Variants in GALNT13 observed in about 807,000 individuals in gnomAD.
The protein encoded by GALNT13 is UDP-GalNAc:polypeptide N-acetylgalactosaminyltransferase 13.
In GALNT13, 28 loss-of-function variants were observed where a neutral mutation model predicts 64.2. The ratio of observed to expected loss-of-function variants is 0.44; its 90% CI spans 0.32 to 0.60. The LOEUF is 0.60. Among genes scored for constraint, GALNT13 ranks in the 20% least tolerant of loss-of-function variants. GALNT13 has a pLI of 0.05. For synonymous variants in GALNT13, 214 were observed against 224.6 expected (o/e 0.95, Z 0.42); for missense variants, 577 against 669.8 (o/e 0.86, Z 1.53).
intron 2 of GALNT13, among the ~76,000 whole-genome samples, chr2:153,923,190 G>A (rs1271632896): frequency 6.6e-6 from 1 of 152,158 alleles, no homozygotes; most frequent in African/African-American, 2.4e-5. Flanking sequence ...ATGAGCCACT[G>A]TGCCTGGCCT....
intron 3 of GALNT13, among the ~76,000 whole-genome samples, chr2:154,043,455 T>TACATATATATATATATATATACATACAC (rs1553470481): frequency 2.9e-5 from 3 of 105,004 alleles, no homozygotes; most frequent in Middle Eastern, 5.1e-3. Flanking sequence ...TATATATATA[T>TACATATATATATATATATATACATACAC]ACACACATGT....
At chr2:153,492,024 A>G in the GALNT13 span, among the ~76,000 whole-genome samples, 1 of 152,192 alleles carries the variant, frequency 6.6e-6, no homozygotes, top group African/African-American at 2.4e-5. Context: ...AATTCCATTT[A>G]AAAAAATAAA....
intron 4 of GALNT13, among the ~76,000 whole-genome samples, chr2:154,197,937 A>G (rs1010513461): frequency 1.5e-5 from 2 of 136,124 alleles, no homozygotes; most frequent in Non-Finnish European, 3.2e-5. Context: ...AAATCACAGA[A>G]ATGCAACTAA....
the GALNT13 span, among the ~76,000 whole-genome samples, chr2:153,540,065 G>A: frequency 2.0e-5 from 3 of 152,198 alleles, no homozygotes; most frequent in Admixed American, 6.5e-5. Flanking sequence ...TCCAGGATAT[G>A]TCAGGGACCT....
chr2:154,346,930 C>T (rs1474952343), intron 9 of GALNT13, among the ~76,000 whole-genome samples: 1 of 151,990 alleles, frequency 6.6e-6, no homozygotes, highest in African/African-American at 2.4e-5. Flanking sequence ...CAGTAAACAA[C>T]CGTGGGTTTC....
chr2:153,797,689 T>C, the GALNT13 span, among the ~76,000 whole-genome samples: 1 of 152,194 alleles, frequency 6.6e-6, no homozygotes, highest in East Asian at 1.9e-4. Flanking sequence ...AGGCTGGTAC[T>C]CCTGTGGGAT....
chr2:153,944,934 C>T (rs1435070522), intron 3 of GALNT13, among the ~76,000 whole-genome samples: 2 of 152,060 alleles, frequency 1.3e-5, no homozygotes, highest in South Asian at 2.1e-4. Flanking sequence ...TCAAACTGGG[C>T]AGAATTTTAA....
At chr2:153,229,456 T>C in the GALNT13 span, among the ~76,000 whole-genome samples, 1 of 152,196 alleles carries the variant, frequency 6.6e-6, no homozygotes, top group African/African-American at 2.4e-5. Context: ...CAGCCTTTTG[T>C]AAAGTGTAAG....
chr2:153,665,512 T>A, the GALNT13 span, among the ~76,000 whole-genome samples: 2 of 152,172 alleles, frequency 1.3e-5, no homozygotes, highest in African/African-American at 2.4e-5. Flanking sequence ...TAGCATAGAA[T>A]GTATTAATTC....
the GALNT13 span, among the ~76,000 whole-genome samples, chr2:153,581,628 T>C: frequency 1.3e-5 from 2 of 152,094 alleles, no homozygotes; most frequent in African/African-American, 4.8e-5. Context: ...TATAAGGAAG[T>C]GTATGGATGT....
chr2:153,478,700 A>C, the GALNT13 span: 33 of 746,378 alleles, frequency 4.4e-5, no homozygotes, highest in East Asian at 8.9e-4. Context: ...TGCTTTCGAA[A>C]GTCCCTGGGC....
At chr2:153,149,908 A>G in the GALNT13 span, among the ~76,000 whole-genome samples, 1 of 151,878 alleles carries the variant, frequency 6.6e-6, no homozygotes, top group Admixed American at 6.6e-5. Context: ...TTATTTTAAA[A>G]TTAAGAATGG....
intron 3 of GALNT13, among the ~76,000 whole-genome samples, chr2:154,108,230 G>T (rs1343075198): frequency 6.6e-6 from 1 of 150,994 alleles, no homozygotes; most frequent in Admixed American, 6.6e-5. Flanking sequence ...CCCACCAAGA[G>T]CGTACAAGGG....
intron 3 of GALNT13, among the ~76,000 whole-genome samples, chr2:153,995,894 A>T (rs1695491326): frequency 6.6e-6 from 1 of 152,160 alleles, no homozygotes; most frequent in South Asian, 2.1e-4. Flanking sequence ...ATCAACTTTT[A>T]GAAATTTCAT....
chr2:153,856,072 G>T, the GALNT13 span, among the ~76,000 whole-genome samples: 20 of 152,274 alleles, frequency 1.3e-4, no homozygotes, highest in Non-Finnish European at 1.5e-4. Flanking sequence ...TGTGAGGCAT[G>T]GAGGATATAG....
At chr2:153,251,058 T>A in the GALNT13 span, among the ~76,000 whole-genome samples, 1 of 152,040 alleles carries the variant, frequency 6.6e-6, no homozygotes, top group Non-Finnish European at 1.5e-5. Flanking sequence ...ATAAATAATT[T>A]TTTTTATTAC....
chr2:153,164,005 C>A, the GALNT13 span, among the ~76,000 whole-genome samples: 3 of 142,750 alleles, frequency 2.1e-5, no homozygotes, highest in African/African-American at 5.4e-5. Context: ...GCGACCGAGC[C>A]AGGCTCCGTC....
chr2:153,619,413 T>A, the GALNT13 span, among the ~76,000 whole-genome samples: 1 of 152,156 alleles, frequency 6.6e-6, no homozygotes, highest in Non-Finnish European at 1.5e-5. Context: ...GGTTCATCAA[T>A]TAGTCTTTCT....
At chr2:153,734,676 A>G in the GALNT13 span, among the ~76,000 whole-genome samples, 1 of 152,322 alleles carries the variant, frequency 6.6e-6, no homozygotes, top group African/African-American at 2.4e-5. Context: ...TAGGAGAAGC[A>G]ATGTGGCTTA....
Sources: allele counts gnomAD v4.1 joint callset (sites outside exome capture counted in the v4.1 genomes callset), GRCh38; gene constraint gnomAD v4.1.1; transcripts MANE v1.5; gene names NCBI Gene and HGNC (gene_info 2026-07-23, HGNC 2026-07-21).